LTBP4: variants seen among roughly 807,000 people sequenced by gnomAD.
The protein encoded by LTBP4 is latent-transforming growth factor beta-binding protein 4.
Under a neutral mutation model 180.2 loss-of-function variants are expected in LTBP4, and 93 were observed. That is an observed-to-expected ratio of 0.52 (90% CI 0.44 to 0.61). The LOEUF (loss-of-function observed/expected upper bound fraction) is 0.61. Ranked by LOEUF, LTBP4 falls within the 20% of genes least tolerant of loss-of-function variation. The probability of loss-of-function intolerance (pLI) is 0.00; values close to 1 mark genes in which losing one functional copy is unlikely to be tolerated. For synonymous variants in LTBP4, 947 were observed against 934.5 expected, an observed-to-expected ratio of 1.01 and a Z score of -0.24; for missense variants, 2,116 against 2,256.5, an observed-to-expected ratio of 0.94 and a Z score of 1.26.
Position 40,627,029 on chromosome 19 carries a change from G to T in LTBP4, c.4040G>T (p.Arg1347Leu). 1.9e-6 allele frequency: 3 copies of T among 1,603,224 alleles called. No individual in the cohort carries two copies. The highest frequency in any genetic ancestry group is 1.7e-6 in the Non-Finnish European group (2 of 1,172,666). The stretch of plus-strand genomic sequence containing the variant: ...CGCCCCCCCGCATATAGCCCCCCGC[G>T]ACCAGGTGGCTTTGGACTCCCCTAC... Reference protein sequence around the residue: ...VLRPPAYSPPRPGGFGLPYEY... With the variant: ...VLRPPAYSPPLPGGFGLPYEY... Residue 1347 changes from arginine to leucine, a missense_variant, in exon 28 of 30, where the codon CGA becomes CTA. By Grantham distance (102) the Arg-to-Leu change is moderately radical (BLOSUM62 -2). Coordinates refer to ENST00000396819, the MANE Select transcript of LTBP4 (RefSeq NM_001042545.2).
chr19:40,597,966 A>G (rs2081399933), upstream of LTBP4, among the ~76,000 whole-genome samples: 1 of 152,060 alleles, frequency 6.6e-6, no homozygotes, highest in African/African-American at 2.4e-5. Context: ...GGGATGCTCA[A>G]GTTTCCTAGA....
intron 26 of LTBP4, among the ~76,000 whole-genome samples, chr19:40,625,517 C>T (rs2081627598): frequency 6.6e-6 from 1 of 151,362 alleles, no homozygotes; most frequent in Non-Finnish European, 1.5e-5. Context: ...CAGCACTTAC[C>T]CCCATACAGT....
At position 40,609,556 on chromosome 19, in the gene LTBP4, A is replaced by T. The variant is rs772019455; in HGVS notation, c.1453A>T (p.Asn485Tyr). The T allele has an allele frequency of 2.2e-5, 35 of 1,613,228 alleles. No homozygotes were observed. The highest frequency in any genetic ancestry group is 1.5e-4 in the Admixed American group (9 of 59,986). The change falls in exon 10 of 30, where the codon AAC (asparagine) becomes TAC (tyrosine). Residue 485 changes from asparagine (N) to tyrosine (Y), a missense_variant. Coordinates refer to ENST00000396819, the MANE Select transcript of LTBP4 (RefSeq NM_001042545.2). This position sits in a 1 kb window ranked among gnomAD's most constrained non-coding sequence, Gnocchi z 4.9. ...TCCCTCCTCCGGCATGTGTCAGCGCAACCCCCAGGTCTGCGGCCCAGGACG... is the reference window on the plus strand; with the variant it reads ...TCCCTCCTCCGGCATGTGTCAGCGCTACCCCCAGGTCTGCGGCCCAGGACG... ...SGPSSGMCQR[N>Y]PQVCGPGRCI... is the part of the protein sequence containing the mutation.
chr19:40,622,824 A>C lies in LTBP4; in HGVS notation c.3485-126A>C, dbSNP rs2081596155. ...GCCAGGCAGGTGGGCATGGGCAGACATAAGGCTGAGAGGTGGGCACTAACA... is the reference window on the plus strand; with the variant it reads ...GCCAGGCAGGTGGGCATGGGCAGACCTAAGGCTGAGAGGTGGGCACTAACA... On this transcript the variant is annotated intron_variant, in intron 23 of 29. Transcript: ENST00000396819. The surrounding 1 kb of genome is among the most constrained non-coding windows in gnomAD (Gnocchi z 5.1). 1 of 1,386,642 alleles carries C rather than the reference A, an allele frequency of 7.2e-7. No homozygotes were observed. The highest frequency in any genetic ancestry group is 2.1e-5 in the Admixed American group (1 of 46,574). The allele number at this position is 1,386,642 out of a possible 1,614,324, so 85.9% of individuals were successfully genotyped here.
intron 11 of LTBP4, 198 bp from the exon 12 acceptor site, chr19:40,610,334 T>C: frequency 1.6e-6 from 1 of 614,594 alleles, no homozygotes; most frequent in Non-Finnish European, 2.8e-6. Flanking sequence ...AGCTCTCCTT[T>C]CTGCCCTTGC....
At chr19:40,610,055 C>T in intron 11 of LTBP4, 184 bp downstream of exon 11, 2 of 766,272 alleles carry the variant, frequency 2.6e-6, no homozygotes, top group Non-Finnish European at 3.9e-6. Context: ...CCCTTTGACC[C>T]CACCCCTACC....
At position 40,610,118 on chromosome 19, in the gene LTBP4, C is replaced by T. The variant is rs148123969; in HGVS notation, c.1684+247C>T. On this transcript the variant is annotated intron_variant, in intron 11 of 29. Coordinates refer to ENST00000396819, the MANE Select transcript of LTBP4 (RefSeq NM_001042545.2). ...GGGCCTGGTCGCAACTCGTATTGCT[C>T]CGCCCCCACGCCCAGGCCCCGCCCT... The T allele has an allele frequency of 8.2e-3, 4,476 of 545,338 alleles. 30 individuals carry two copies. The highest frequency in any genetic ancestry group is 9.5e-3 in the Non-Finnish European group (3,033 of 317,650). The allele number at this position is 545,338 out of a possible 1,614,324, so 33.8% of individuals were successfully genotyped here.
intron 1 of LTBP4, among the ~76,000 whole-genome samples, chr19:40,593,666 G>A (rs2081377231): frequency 6.7e-6 from 1 of 149,290 alleles, no homozygotes; most frequent in Non-Finnish European, 1.5e-5. Flanking sequence ...ATATGGTGGT[G>A]TTTTGTAATG....
chr19:40,610,687 G>A (rs764039510), intron 12 of LTBP4, 30 bp downstream of exon 12: 3 of 1,563,034 alleles, frequency 1.9e-6, no homozygotes, highest in Non-Finnish European at 2.6e-6. Flanking sequence ...AGCTGGGAAG[G>A]GGTGTGAGCG....
chr19:40,594,718 C>T (rs35669602), intron 1 of LTBP4, among the ~76,000 whole-genome samples: 15,048 of 152,112 alleles, frequency 0.099, 854 homozygotes, highest in African/African-American at 0.16. Context: ...GTGTGAGTGC[C>T]GTCGTCACCT....
chr19:40,602,514 G>A lies in LTBP4; in HGVS notation c.250+877G>A, dbSNP rs568393804. 1.6e-4 allele frequency among the ~76,000 whole-genome samples: 24 copies of A among 152,204 alleles called. No individual in the cohort carries two copies. The South Asian group carries it at 3.7e-3, about 24-fold the overall frequency. ...CCCAGCCTGGCCCCCAGCCAGCCCA[G>A]CCCGGCCGGCGTGAGCTCATCTCCC... On this transcript the variant is annotated intron_variant, in intron 1 of 29. Transcript: ENST00000396819.
intron 6 of LTBP4, 89 bp from the exon 7 acceptor site, chr19:40,607,276 C>CA: frequency 2.7e-6 from 1 of 366,286 alleles, no homozygotes; most frequent in Non-Finnish European, 4.7e-6. Flanking sequence ...CCACCCCCAA[C>CA]CCCAGAACCA....
At chr19:40,608,426 A>C (rs1188568156) in intron 8 of LTBP4, 57 bp downstream of exon 8, 3 of 1,599,242 alleles carry the variant, frequency 1.9e-6, no homozygotes, top group Non-Finnish European at 2.6e-6. Context: ...CCAGCCCCAT[A>C]GTGAAAGGAG....
intron 9 of LTBP4, 169 bp downstream of exon 9, chr19:40,608,772 G>C (rs557130457): frequency 1.4e-6 from 1 of 693,672 alleles, no homozygotes; most frequent in East Asian, 3.0e-5. Flanking sequence ...TTAACTGGGC[G>C]TGGTGGCAGA....
chr19:40,606,046 G>A (rs1208837377), intron 4 of LTBP4, among the ~76,000 whole-genome samples, 187 bp from the exon 5 acceptor site: 1 of 152,152 alleles, frequency 6.6e-6, no homozygotes, highest in Non-Finnish European at 1.5e-5. Flanking sequence ...CTGCCTTTGT[G>A]CCTTGGCCCC....
Position 40,607,536 on chromosome 19 carries a change from C to A in LTBP4, c.1156+7C>A. ...TGCCCACCCTTCGGCTCAGGTGAGCCCCTGCGGCAGTGCCTAGCCCTACGC... is the reference window on the plus strand; with the variant it reads ...TGCCCACCCTTCGGCTCAGGTGAGCACCTGCGGCAGTGCCTAGCCCTACGC... On this transcript the variant is annotated splice_region_variant and intron_variant, in intron 7 of 29. Coordinates refer to ENST00000396819, the MANE Select transcript of LTBP4 (RefSeq NM_001042545.2). 1 of 1,604,920 alleles carries A rather than the reference C, an allele frequency of 6.2e-7. No homozygotes were observed.
rs893336010 is a variant in LTBP4 at position 40,619,547 on chromosome 19, C to T, written c.3217+54C>T. ...GGCGGCTGGCCCCATGGGAAAATCA[C>T]GTGGTCTAATCATTCCTGATGTGGA... On this transcript the variant is annotated intron_variant, in intron 22 of 29. Coordinates refer to ENST00000396819, the MANE Select transcript of LTBP4 (RefSeq NM_001042545.2). 32 of 1,542,248 alleles carry T rather than the reference C, an allele frequency of 2.1e-5. No individual in the cohort carries two copies. The African/African-American group carries it at 3.4e-4, about 16-fold the overall frequency.
At chr19:40,604,212 T>A (rs1377999125) in intron 1 of LTBP4, among the ~76,000 whole-genome samples, 2 of 151,648 alleles carry the variant, frequency 1.3e-5, no homozygotes, top group Admixed American at 1.3e-4. Context: ...GTTAAGCTCC[T>A]GGATAGGCGG....
rs75488872 is a variant in LTBP4 at position 40,614,947 on chromosome 19, C to A, written c.2812+501C>A. ...AAATTCTCCTAGCATTGGCCCCCGC[C>A]CGTTTAAGCTCTGCCCTTCCTTGGT... On this transcript the variant is annotated intron_variant, in intron 19 of 29. Coordinates refer to ENST00000396819, the MANE Select transcript of LTBP4 (RefSeq NM_001042545.2). Among the ~76,000 whole-genome samples the A allele has an allele frequency of 7.9e-5, 12 of 152,322 alleles. No homozygotes were observed. The East Asian group carries it at 2.3e-3, about 29-fold the overall frequency.
Sources: gnomAD v4.1 joint callset for allele counts (sites outside exome capture counted in the v4.1 genomes callset) on GRCh38, gnomAD v4.1.1 for gene constraint, Gnocchi (gnomAD v3.1) non-coding constraint, MANE v1.5 for transcripts, NCBI Gene and HGNC (gene_info 2026-07-23, HGNC 2026-07-21) for gene names.